FRMD6: variants seen among roughly 807,000 people sequenced by gnomAD.
FRMD6 encodes the protein FERM domain containing 6.
FRMD6 carries 37 observed loss-of-function variants against 73.2 expected under a neutral mutation model. That is an observed-to-expected ratio of 0.51 (90% CI 0.39 to 0.66). The LOEUF is 0.66. Among genes scored for constraint, FRMD6 ranks in the 30% least tolerant of loss-of-function variants. The pLI is 0.00. For missense variants in FRMD6, 714 were observed against 780.5 expected (o/e 0.91, Z 1.02); for synonymous variants, 273 against 282.2 (o/e 0.97, Z 0.33).
Position 51,535,300 on chromosome 14 carries a change from T to C in FRMD6, c.-209-35048T>C, listed in dbSNP as rs566727659. Among the ~76,000 whole-genome samples the C allele has an allele frequency of 1.8e-4, 28 of 152,342 alleles. No homozygotes were observed. The South Asian group carries it at 2.7e-3, about 15-fold the overall frequency. The stretch of plus-strand genomic sequence containing the variant: ...CGTACAACCATCACACAATCAATTT[T>C]AGAACACTTTTACCACCTCAAAAAG... On this transcript the variant is annotated intron_variant, in intron 1 of 14. Coordinates refer to the FRMD6 transcript ENST00000356218.
intron 9 of FRMD6, among the ~76,000 whole-genome samples, chr14:51,713,137 A>G (rs918980311): frequency 6.6e-6 from 1 of 152,122 alleles, no homozygotes; most frequent in Non-Finnish European, 1.5e-5. Context: ...AATTATAGTT[A>G]ATAATGTGTA....
At chr14:51,522,691 T>C (rs1390754773) in intron 1 of FRMD6, among the ~76,000 whole-genome samples, 3 of 152,240 alleles carry the variant, frequency 2.0e-5, no homozygotes, top group Non-Finnish European at 4.4e-5. Flanking sequence ...GAAAAGGGAA[T>C]GTTGCATTTT....
chr14:51,455,711 T>C, the FRMD6 span, among the ~76,000 whole-genome samples: 1 of 152,094 alleles, frequency 6.6e-6, no homozygotes, highest in African/African-American at 2.4e-5. Context: ...TTAATAGTCA[T>C]AGAATTTAGG....
intron 1 of FRMD6, among the ~76,000 whole-genome samples, chr14:51,500,096 C>T (rs998986889): frequency 6.6e-5 from 10 of 152,160 alleles, no homozygotes; most frequent in African/African-American, 2.4e-4. Flanking sequence ...AGAAGCAGCT[C>T]ACATTCACAA....
In FRMD6 at chr14:51,717,841, A is replaced by G. The variant is rs567176184; in HGVS notation, c.1025-2214A>G. Among the ~76,000 whole-genome samples the G allele has an allele frequency of 3.3e-5, 5 of 152,364 alleles. No individual in the cohort carries two copies. In the South Asian group the frequency reaches 1.0e-3, roughly 32 times the overall value. On this transcript the variant is annotated intron_variant, in intron 10 of 13. Coordinates refer to ENST00000344768, the MANE Select transcript of FRMD6 (RefSeq NM_001267046.2). ...TAGCATTTTAGTAGAAAATGATCAC[A>G]AGGATTTTTCCATAGGGTTTAGAAG...
chr14:51,625,294 T>A (rs1289648755), intron 2 of FRMD6, among the ~76,000 whole-genome samples: 1 of 152,160 alleles, frequency 6.6e-6, no homozygotes, highest in African/African-American at 2.4e-5. Context: ...GTGGTGGTTA[T>A]ATATTTTTCT....
intron 2 of FRMD6, among the ~76,000 whole-genome samples, chr14:51,588,237 T>G (rs1176925357): frequency 6.6e-6 from 1 of 152,170 alleles, no homozygotes; most frequent in Non-Finnish European, 1.5e-5. Context: ...GTTTTTTTGT[T>G]GTTCTGTTTT....
chr14:51,533,728 C>T (rs554672298), intron 1 of FRMD6, among the ~76,000 whole-genome samples: 1 of 152,322 alleles, frequency 6.6e-6, no homozygotes, highest in South Asian at 2.1e-4. Context: ...ATGTCGTGGT[C>T]TCAAGATGAC....
chr14:51,613,109 A>G (rs114930954), intron 2 of FRMD6, among the ~76,000 whole-genome samples: 12,965 of 152,256 alleles, frequency 0.085, 1,342 homozygotes, highest in African/African-American at 0.25. Context: ...CTTTTTGGCC[A>G]AAATGAGGAG....
the FRMD6 span, among the ~76,000 whole-genome samples, chr14:51,478,921 A>G: frequency 6.6e-6 from 1 of 152,188 alleles, no homozygotes; most frequent in Non-Finnish European, 1.5e-5. Context: ...AAAAGAAAAA[A>G]AATGTGCCAG....
chr14:51,661,700 A>G (rs569429936), intron 1 of FRMD6, among the ~76,000 whole-genome samples: 1 of 152,226 alleles, frequency 6.6e-6, no homozygotes, highest in African/African-American at 2.4e-5. Context: ...AGAGTTGCTC[A>G]TTGGATTTAG....
intron 2 of FRMD6, among the ~76,000 whole-genome samples, chr14:51,641,991 G>A (rs1891833489): frequency 1.3e-5 from 2 of 152,100 alleles, no homozygotes; most frequent in South Asian, 2.1e-4. Flanking sequence ...CTTGTCTCAC[G>A]ATTATCTCCC....
chr14:51,551,420 A>G (rs796287809), intron 1 of FRMD6, among the ~76,000 whole-genome samples: 1 of 152,190 alleles, frequency 6.6e-6, no homozygotes, highest in Non-Finnish European at 1.5e-5. Context: ...ATTATTTGTC[A>G]CCTTGGTGGA....
chr14:51,705,013 T>TAAGAAAAAAAAAAAAAAAAA, intron 6 of FRMD6, 78 bp downstream of exon 6: 2 of 1,300,020 alleles, frequency 1.5e-6, no homozygotes, highest in Non-Finnish European at 1.1e-6. Context: ...TCATACTCTT[T>TAAGAAAAAAAAAAAAAAAAA]AAGAAATGGG....
chr14:51,426,379 C>T, the FRMD6 span, among the ~76,000 whole-genome samples: 7 of 152,164 alleles, frequency 4.6e-5, no homozygotes, highest in South Asian at 4.2e-4. Flanking sequence ...CCTGCAAGCC[C>T]CACTCCCCAC....
At chr14:51,689,424 C>A (rs1440856799) in intron 1 of FRMD6, among the ~76,000 whole-genome samples, 1 of 152,184 alleles carries the variant, frequency 6.6e-6, no homozygotes, top group African/African-American at 2.4e-5. Context: ...TTCTGTGAGG[C>A]CTGTAGTACT....
the FRMD6 span, among the ~76,000 whole-genome samples, chr14:51,430,894 T>C: frequency 6.6e-6 from 1 of 152,214 alleles, no homozygotes; most frequent in African/African-American, 2.4e-5. Context: ...GAATCTGTGG[T>C]GTGGCTCTGA....
At chr14:51,708,860 A>T (rs1301444791) in intron 7 of FRMD6, among the ~76,000 whole-genome samples, 1 of 152,192 alleles carries the variant, frequency 6.6e-6, no homozygotes, top group Non-Finnish European at 1.5e-5. Flanking sequence ...TTGATAACAT[A>T]GGCTGTGAGC....
the FRMD6 span, among the ~76,000 whole-genome samples, chr14:51,450,503 G>C: frequency 6.6e-6 from 1 of 152,168 alleles, no homozygotes; most frequent in Non-Finnish European, 1.5e-5. Context: ...AAAAGATTCT[G>C]CCAGCAGTTC....
Sources: gnomAD v4.1 joint callset for allele counts (sites outside exome capture counted in the v4.1 genomes callset) on GRCh38, gnomAD v4.1.1 for gene constraint, MANE v1.5 for transcripts, NCBI Gene and HGNC (gene_info 2026-07-23, HGNC 2026-07-21) for gene names.